Variants in DNAH11 observed in about 807,000 individuals in gnomAD.
The protein encoded by DNAH11 is axonemal beta dynein heavy chain 11.
DNAH11 carries 442 observed loss-of-function variants against 526.0 expected under a neutral mutation model. The observed-to-expected ratio is 0.84, with a 90% CI of 0.78 to 0.91. DNAH11 has a LOEUF of 0.91. Ranked by LOEUF, DNAH11 falls within the 40% of genes least tolerant of loss-of-function variation. The probability of loss-of-function intolerance (pLI) is 0.00; values close to 1 mark genes in which losing one functional copy is unlikely to be tolerated. For synonymous variants in DNAH11, 2,461 were observed against 1,935.9 expected (o/e 1.27, Z -7.12); for missense variants, 6,989 against 5,448.7 (o/e 1.28, Z -8.90).
In DNAH11 at chr7:21,601,403, G is replaced by A. The variant is rs951526842; in HGVS notation, c.3433G>A (p.Glu1145Lys). The change falls in exon 18 of 82, where the codon GAG (glutamate) becomes AAG (lysine). Residue 1145 changes from glutamate to lysine, a missense_variant. Glu to Lys is a moderately conservative substitution (Grantham distance 56). Transcript: ENST00000409508. Reference sequence around the variant, plus strand: ...TACATATATATTTAATAGTCTGAATGAGCTACAAGAATTTATAAAGGAGAC... The same window carrying A: ...TACATATATATTTAATAGTCTGAATAAGCTACAAGAATTTATAAAGGAGAC... Reference protein sequence around the residue: ...LLRFVIDSLNELQEFIKETDS... With the variant: ...LLRFVIDSLNKLQEFIKETDS... 2 of 1,611,494 alleles carry A rather than the reference G, an allele frequency of 1.2e-6. No homozygotes were observed. Among genetic ancestry groups the A allele is most frequent in the Non-Finnish European group, 1.7e-6 (2 of 1,178,668 alleles).
intron 65 of DNAH11, among the ~76,000 whole-genome samples, chr7:21,818,972 A>G (rs910297618): frequency 2.6e-5 from 4 of 152,072 alleles, no homozygotes; most frequent in Admixed American, 6.6e-5. Context: ...ACATTCTCTC[A>G]GGGGCATTGA....
Position 21,656,013 on chromosome 7 carries a change from G to A in DNAH11, c.5094+32G>A, listed in dbSNP as rs111425487. On this transcript the variant is annotated intron_variant, in intron 29 of 81. Coordinates refer to ENST00000409508, the MANE Select transcript of DNAH11 (RefSeq NM_001277115.2). ...TTTGATTATGAGGTTTTCTATGCTAGGGGAGTATTTTCAGCATGCTCTTAG... is the reference window on the plus strand; with the variant it reads ...TTTGATTATGAGGTTTTCTATGCTAAGGGAGTATTTTCAGCATGCTCTTAG... 3,797 of 1,546,804 alleles carry A rather than the reference G, an allele frequency of 2.5e-3. 81 individuals are homozygous for A. In the African/African-American group the frequency reaches 0.043, roughly 18 times the overall value.
At chr7:21,656,893 GGAT>G (rs1022125073) in intron 29 of DNAH11, among the ~76,000 whole-genome samples, 35 of 152,094 alleles carry the variant, frequency 2.3e-4, no homozygotes, top group African/African-American at 8.0e-4. Flanking sequence ...GGGCTTTTTA[GGAT>G]GATATTATAA....
intron 30 of DNAH11, among the ~76,000 whole-genome samples, chr7:21,668,303 A>T (rs1782500716): frequency 6.6e-6 from 1 of 152,052 alleles, no homozygotes; most frequent in South Asian, 2.1e-4. Flanking sequence ...CTCCAGAGCA[A>T]AGGGCATGTT....
At chr7:21,720,978 T>C (rs1370583015) in intron 44 of DNAH11, 122 bp downstream of exon 44, 20 of 1,263,632 alleles carry the variant, frequency 1.6e-5, no homozygotes, top group Non-Finnish European at 1.6e-5. Flanking sequence ...GCTTGCCCTG[T>C]TCTCTCCTAA....
chr7:21,748,554 C>T, intron 51 of DNAH11, 26 bp from the exon 52 acceptor site: 2 of 1,450,992 alleles, frequency 1.4e-6, no homozygotes, highest in Non-Finnish European at 1.8e-6. Context: ...CGATTTTGTG[C>T]CATAATGGGC....
At chr7:21,615,928 T>C (rs1291266639) in intron 21 of DNAH11, among the ~76,000 whole-genome samples, 1 of 152,218 alleles carries the variant, frequency 6.6e-6, no homozygotes, top group East Asian at 1.9e-4. Context: ...ATCAATTTAT[T>C]CAAAGTACAC....
intron 65 of DNAH11, among the ~76,000 whole-genome samples, chr7:21,841,443 A>G (rs566785944): frequency 6.6e-6 from 1 of 152,312 alleles, no homozygotes; most frequent in East Asian, 1.9e-4. Context: ...AGGGAAAAAA[A>G]CATCACTTCC....
chr7:21,736,436 T>A (rs1785615751), intron 46 of DNAH11, among the ~76,000 whole-genome samples: 1 of 152,098 alleles, frequency 6.6e-6, no homozygotes, highest in Non-Finnish European at 1.5e-5. Flanking sequence ...CCAGTCAATC[T>A]CCAGCAGGGA....
intron 30 of DNAH11, among the ~76,000 whole-genome samples, chr7:21,679,546 G>C (rs1783053170): frequency 6.6e-6 from 1 of 152,176 alleles, no homozygotes; most frequent in Non-Finnish European, 1.5e-5. Flanking sequence ...CCAGGGGGTG[G>C]AGAAATAGGG....
chr7:21,644,300 T>C (rs1285755073), intron 28 of DNAH11, among the ~76,000 whole-genome samples: 2 of 152,210 alleles, frequency 1.3e-5, no homozygotes, highest in East Asian at 3.8e-4. Context: ...CATTTGGTTA[T>C]CTTCCTGATA....
chr7:21,775,185 A>G (rs1281634660), intron 56 of DNAH11, among the ~76,000 whole-genome samples: 1 of 152,192 alleles, frequency 6.6e-6, no homozygotes, highest in Non-Finnish European at 1.5e-5. Flanking sequence ...TAGTGAGTAG[A>G]TGGACCACAA....
At chr7:21,752,265 T>C (rs898212306) in intron 54 of DNAH11, among the ~76,000 whole-genome samples, 2 of 152,238 alleles carry the variant, frequency 1.3e-5, no homozygotes, top group African/African-American at 2.4e-5. Context: ...TTACAGCTTG[T>C]GGTAGTTTTA....
rs180915932 is a variant in DNAH11 at position 21,855,936 on chromosome 7, T to C, written c.11202+1481T>C. 2.4e-4 allele frequency among the ~76,000 whole-genome samples: 37 copies of C among 152,284 alleles called. 1 individual carries two copies. The highest frequency in any genetic ancestry group is 8.7e-4 in the African/African-American group (36 of 41,536). ...ATAGAGGTGGAGAGGCTGCTTTTAC[T>C]GGGGGCTCAGGGAAGGCCTCCCAGA... On this transcript the variant is annotated intron_variant, in intron 68 of 81. Coordinates refer to ENST00000409508, the MANE Select transcript of DNAH11 (RefSeq NM_001277115.2).
At chr7:21,639,139 A>C in intron 28 of DNAH11, 74 bp downstream of exon 28, 2 of 1,473,578 alleles carry the variant, frequency 1.4e-6, no homozygotes, top group Admixed American at 2.5e-5. Context: ...ATCATTGTCA[A>C]ATGCTACCTG....
chr7:21,642,172 T>C (rs918376910), intron 28 of DNAH11, among the ~76,000 whole-genome samples: 10 of 152,222 alleles, frequency 6.6e-5, no homozygotes, highest in South Asian at 4.1e-4. Flanking sequence ...TGTGATTTCA[T>C]TGAGGTCTTT....
At chr7:21,739,915 C>G (rs1248733299) in intron 48 of DNAH11, among the ~76,000 whole-genome samples, 2 of 152,144 alleles carry the variant, frequency 1.3e-5, no homozygotes, top group Non-Finnish European at 2.9e-5. Context: ...TTCCTATGTA[C>G]TCTCTTAATG....
At chr7:21,701,082 A>G (rs901295747) in intron 36 of DNAH11, among the ~76,000 whole-genome samples, 1 of 152,122 alleles carries the variant, frequency 6.6e-6, no homozygotes. Flanking sequence ...CATTCTGCAC[A>G]TGTGTCCCGA....
chr7:21,758,780 G>C (rs1411530551), intron 54 of DNAH11, among the ~76,000 whole-genome samples: 2 of 152,202 alleles, frequency 1.3e-5, no homozygotes, highest in Non-Finnish European at 2.9e-5. Flanking sequence ...ACGTTGAATA[G>C]CCTTTGCATT....
Sources: allele counts gnomAD v4.1 joint callset (sites outside exome capture counted in the v4.1 genomes callset), GRCh38; gene constraint gnomAD v4.1.1; transcripts MANE v1.5; gene names NCBI Gene and HGNC (gene_info 2026-07-23, HGNC 2026-07-21).